The following B4GALT1 variants were observed in gnomAD, a reference collection of about 807,000 sequenced individuals.
B4GALT1 encodes the protein beta-1,4-galactosyltransferase 1, also known as N-acetyllactosamine synthase.
B4GALT1 carries 16 observed loss-of-function variants against 34.9 expected under a neutral mutation model. That is an observed-to-expected ratio of 0.46 (90% CI 0.31 to 0.70). The LOEUF is 0.70. Among genes scored for constraint, B4GALT1 ranks in the 30% least tolerant of loss-of-function variants. B4GALT1 has a pLI of 0.05. For synonymous variants in B4GALT1, 221 were observed against 218.1 expected (o/e 1.01, Z -0.12); for missense variants, 445 against 530.5 (o/e 0.84, Z 1.58).
upstream of B4GALT1, among the ~76,000 whole-genome samples, chr9:33,168,681 C>T (rs1840808175): frequency 2.6e-5 from 4 of 152,240 alleles, no homozygotes; most frequent in South Asian, 8.3e-4. Flanking sequence ...TGGACTTCTT[C>T]CCCAGTTGCT....
At chr9:33,143,936 G>C (rs115905682) in intron 1 of B4GALT1, among the ~76,000 whole-genome samples, 1,752 of 150,978 alleles carry the variant, frequency 0.012, 28 homozygotes, top group African/African-American at 0.04. Context: ...GAATTGCAGT[G>C]GTGCCAGCTC....
At position 33,167,034 on chromosome 9, in the gene B4GALT1, C is replaced by T. The variant is rs933084918; in HGVS notation, c.136G>A (p.Asp46Asn). The change falls in exon 1 of 6, where the codon GAC becomes AAC. Residue 46 changes from aspartate (D) to asparagine (N), a missense_variant. By Grantham distance (23) the Asp-to-Asn change is conservative. This residue lies in a region of B4GALT1 where 349 missense variants were observed against 395.5 expected (regional missense o/e 0.88). Coordinates refer to ENST00000379731, the MANE Select transcript of B4GALT1 (RefSeq NM_001497.4). ...VTLVYYLAGR[D>N]LSRLPQLVGV... ...ACCAGTTGGGGCAGGCGGCTCAGGTCGCGGCCAGCCAGGTAGTAAACGAGG... is the reference window on the plus strand; with the variant it reads ...ACCAGTTGGGGCAGGCGGCTCAGGTTGCGGCCAGCCAGGTAGTAAACGAGG... The T allele has an allele frequency of 6.3e-7, 1 of 1,599,280 alleles. No individual in the cohort carries two copies. Among genetic ancestry groups the T allele is most frequent in the Non-Finnish European group, 8.5e-7 (1 of 1,178,286 alleles).
At chr9:33,107,925 A>C (rs1470703496), downstream of B4GALT1, among the ~76,000 whole-genome samples, 1 of 152,156 alleles carries the variant, frequency 6.6e-6, no homozygotes, top group African/African-American at 2.4e-5. Context: ...ACTCGCCCTG[A>C]GGTTTACTCA....
intron 1 of B4GALT1, among the ~76,000 whole-genome samples, chr9:33,159,989 C>A (rs1840651700): frequency 6.6e-6 from 1 of 152,234 alleles, no homozygotes; most frequent in Non-Finnish European, 1.5e-5. Flanking sequence ...TGCAGCCTGG[C>A]CCTTTGCCCC....
At chr9:33,143,929 T>G (rs1381592071) in intron 1 of B4GALT1, among the ~76,000 whole-genome samples, 1 of 151,722 alleles carries the variant, frequency 6.6e-6, no homozygotes, top group Admixed American at 6.6e-5. Flanking sequence ...CCAGGCTGAA[T>G]TGCAGTGGTG....
chr9:33,135,968 G>A (rs1247747291), intron 1 of B4GALT1, among the ~76,000 whole-genome samples: 4 of 151,330 alleles, frequency 2.6e-5, no homozygotes, highest in Non-Finnish European at 4.4e-5. Flanking sequence ...CAGTGTGGAG[G>A]GAGTTAGCTT....
At chr9:33,124,548 A>G (rs933000722) in intron 2 of B4GALT1, among the ~76,000 whole-genome samples, 1 of 152,142 alleles carries the variant, frequency 6.6e-6, no homozygotes, top group Non-Finnish European at 1.5e-5. Flanking sequence ...CAGAATTAAG[A>G]AGACCCAGCC....
intron 2 of B4GALT1, among the ~76,000 whole-genome samples, chr9:33,126,662 A>ATTGTTAATATTGTTAACT: frequency 2.2e-5 from 1 of 45,224 alleles, no homozygotes; most frequent in Non-Finnish European, 5.9e-5. Flanking sequence ...TAACCATAGC[A>ATTGTTAATATTGTTAACT]ATATGGTAGC....
At chr9:33,130,337 C>T (rs903902278) in intron 2 of B4GALT1, among the ~76,000 whole-genome samples, 16 of 152,028 alleles carry the variant, frequency 1.1e-4, no homozygotes, top group African/African-American at 3.6e-4. Flanking sequence ...TCCCTGTTTG[C>T]TATGATGTCT....
downstream of B4GALT1, among the ~76,000 whole-genome samples, chr9:33,107,862 G>A (rs1216342373): frequency 1.3e-5 from 2 of 152,228 alleles, no homozygotes; most frequent in African/African-American, 4.8e-5. Flanking sequence ...GAGTGGAAGG[G>A]TGGGGGAAAC....
chr9:33,109,994 C>T (rs994188626), downstream of B4GALT1, among the ~76,000 whole-genome samples: 5 of 152,216 alleles, frequency 3.3e-5, no homozygotes, highest in African/African-American at 1.2e-4. Flanking sequence ...AGATCTGAAC[C>T]CCAGGCCACC....
At chr9:33,173,279 C>T in the B4GALT1 span, among the ~76,000 whole-genome samples, 1 of 152,150 alleles carries the variant, frequency 6.6e-6, no homozygotes, top group Non-Finnish European at 1.5e-5. Flanking sequence ...TGGCACATGC[C>T]TGTAATCCAC....
intron 1 of B4GALT1, among the ~76,000 whole-genome samples, chr9:33,139,381 C>A (rs920647501): frequency 7.9e-5 from 12 of 152,210 alleles, no homozygotes; most frequent in Non-Finnish European, 1.8e-4. Context: ...TCTGAACTCG[C>A]TGTGCCCCTT....
chr9:33,167,400 CGGGG>C, upstream of B4GALT1: 2 of 176,364 alleles, frequency 1.1e-5, no homozygotes, highest in Non-Finnish European at 2.0e-5. Flanking sequence ...AAGGCGGGGG[CGGGG>C]CCGGGCGCGG....
rs753440673 is a variant in B4GALT1, at chr9:33,167,120, G to A, written c.50C>T (p.Ala17Val). Reference sequence around the variant, plus strand: ...CAGGCGGCAGGCCCGCTGTAGGGACGCGCCTGGCATCGCGGCGCTGCCGCT... The same window carrying A: ...CAGGCGGCAGGCCCGCTGTAGGGACACGCCTGGCATCGCGGCGCTGCCGCT... ...LLSGSAAMPGASLQRACRLLV... is the reference protein window; with the variant it reads ...LLSGSAAMPGVSLQRACRLLV... The change falls in exon 1 of 6, where the codon GCG (alanine) becomes GTG (valine). Residue 17 changes from alanine (A) to valine (V), a missense_variant. Ala to Val is a moderately conservative substitution (Grantham distance 64, BLOSUM62 0). Coordinates refer to ENST00000379731, the MANE Select transcript of B4GALT1 (RefSeq NM_001497.4). 20 of 1,603,666 alleles carry A rather than the reference G, an allele frequency of 1.2e-5. No homozygotes were observed. The highest frequency in any genetic ancestry group is 9.4e-5 in the African/African-American group (7 of 74,778).
chr9:33,182,982 A>C, the B4GALT1 span, among the ~76,000 whole-genome samples: 1 of 152,188 alleles, frequency 6.6e-6, no homozygotes, highest in Non-Finnish European at 1.5e-5. Flanking sequence ...TGCAGGATTA[A>C]AGGAAAATTC....
At position 33,153,252 on chromosome 9, in the gene B4GALT1, C is replaced by T. The variant is rs139895546; in HGVS notation, c.412+13506G>A. On this transcript the variant is annotated intron_variant, in intron 1 of 5. Coordinates refer to ENST00000379731, the MANE Select transcript of B4GALT1 (RefSeq NM_001497.4). ...GAGAAAAAGCCAGAGGGCAAACTGA[C>T]AGTATCTATCAAAACGTTTAAAGAG... 7.2e-5 allele frequency among the ~76,000 whole-genome samples: 11 copies of T among 152,272 alleles called. No homozygotes were observed. The East Asian group carries it at 7.7e-4, about 11-fold the overall frequency.
At chr9:33,108,894 GTTCTAATATTTATGCTAGGAGAATC>G (rs1839824442), downstream of B4GALT1, 1 of 34,668 alleles carries the variant, frequency 2.9e-5, no homozygotes, top group Non-Finnish European at 1.2e-4. Context: ...AGAATTTTTT[GTTCTAATATTTATGCTAGGAGAATC>G]TTTTGTTCTA....
the B4GALT1 span, among the ~76,000 whole-genome samples, chr9:33,175,390 A>G: frequency 7.2e-5 from 11 of 152,284 alleles, no homozygotes; most frequent in South Asian, 2.1e-3. Context: ...ATAAAATGAT[A>G]ATAATGTAGC....
Sources: gnomAD v4.1 joint callset for allele counts (sites outside exome capture counted in the v4.1 genomes callset) on GRCh38, gnomAD v4.1.1 for gene constraint, gnomAD v4.1.1 regional missense constraint, MANE v1.5 for transcripts, NCBI Gene and HGNC (gene_info 2026-07-23, HGNC 2026-07-21) for gene names.